Variants in PPP1R9A observed in about 807,000 individuals in gnomAD.
PPP1R9A encodes the protein neurabin-1.
In PPP1R9A, 59 loss-of-function variants were observed where a neutral mutation model predicts 141.9. That is an observed-to-expected ratio of 0.42 (90% CI 0.34 to 0.52). PPP1R9A has a LOEUF of 0.52. PPP1R9A is among the 20% of genes least tolerant of loss of function. PPP1R9A has a pLI of 0.10. For missense variants in PPP1R9A, 1,444 were observed against 1,611.9 expected (o/e 0.90, Z 1.78); for synonymous variants, 500 against 569.7 (o/e 0.88, Z 1.74).
chr7:94,982,740 A>C (rs1201806301), intron 2 of PPP1R9A, among the ~76,000 whole-genome samples: 1 of 152,034 alleles, frequency 6.6e-6, no homozygotes, highest in African/African-American at 2.4e-5. Context: ...TTGTCAGATG[A>C]GTAGATTGCA....
At chr7:95,277,737 T>C (rs965308062) in intron 16 of PPP1R9A, among the ~76,000 whole-genome samples, 5 of 152,214 alleles carry the variant, frequency 3.3e-5, no homozygotes, top group African/African-American at 1.2e-4. Flanking sequence ...AACATTCTGA[T>C]TTTAAACAGG....
rs1311098050 is a variant in PPP1R9A, at chr7:95,226,110, C to A, written c.2106C>A (p.Phe702Leu). 6.2e-7 allele frequency: 1 copy of A among 1,612,174 alleles called. No homozygotes were observed. Among genetic ancestry groups the A allele is most frequent in the Admixed American group, 1.7e-5 (1 of 59,930 alleles). The stretch of plus-strand genomic sequence containing the variant: ...ACACAAGCAAGCTCAGTCACAAGTT[C>A]AAAGAGGTATGCCACTAAGCTGCAA... ...ELDTSKLSHKFKELQIKHAVT... is the reference protein window; with the variant it reads ...ELDTSKLSHKLKELQIKHAVT... Residue 702 changes from phenylalanine to leucine, a missense_variant, in exon 8 of 20, where the codon TTC (phenylalanine) becomes TTA (leucine). Transcript: ENST00000433360.
At position 95,247,454 on chromosome 7, in the gene PPP1R9A, C is replaced by A. The variant is rs1337530963; in HGVS notation, c.2113-19C>A. 2 of 1,588,992 alleles carry A rather than the reference C, an allele frequency of 1.3e-6. No individual in the cohort carries two copies. The highest frequency in any genetic ancestry group is 1.1e-5 in the South Asian group (1 of 89,160). ...TACACTTTCTTAGTTCAGATTTTTT[C>A]TTTCTTTTCAATTTTCAGTTGCAAA... is the stretch of plus-strand genomic sequence containing the variant. On this transcript the variant is annotated intron_variant, in intron 8 of 19. Coordinates refer to ENST00000433360, the MANE Select transcript of PPP1R9A (RefSeq NM_001166160.2).
At chr7:95,195,195 A>G (rs934558239) in intron 5 of PPP1R9A, among the ~76,000 whole-genome samples, 2 of 152,160 alleles carry the variant, frequency 1.3e-5, no homozygotes, top group African/African-American at 4.8e-5. Context: ...AGCAAAACAT[A>G]AACACTTTAA....
intron 12 of PPP1R9A, among the ~76,000 whole-genome samples, chr7:95,258,849 A>G (rs1420566638): frequency 6.6e-6 from 1 of 152,170 alleles, no homozygotes; most frequent in Non-Finnish European, 1.5e-5. Context: ...AAATTCATAA[A>G]ACTGTTTCAT....
At chr7:94,954,831 A>ATGCG (rs1351979761) in intron 2 of PPP1R9A, among the ~76,000 whole-genome samples, 1 of 91,440 alleles carries the variant, frequency 1.1e-5, no homozygotes, top group Non-Finnish European at 2.2e-5. Flanking sequence ...GTTTGTAAAT[A>ATGCG]TGCGTGTGTG....
chr7:95,203,475 T>C (rs1790020991), intron 6 of PPP1R9A, among the ~76,000 whole-genome samples, 190 bp from the exon 7 acceptor site: 1 of 152,188 alleles, frequency 6.6e-6, no homozygotes, highest in Non-Finnish European at 1.5e-5. Context: ...AAATAGACTT[T>C]ATACTGTATC....
intron 4 of PPP1R9A, among the ~76,000 whole-genome samples, chr7:95,128,528 C>T (rs1177107992): frequency 1.3e-5 from 2 of 151,952 alleles, no homozygotes; most frequent in Admixed American, 6.6e-5. Flanking sequence ...TTAGGTCCCA[C>T]TCATCAATTT....
At chr7:94,971,718 A>T (rs552213281) in intron 2 of PPP1R9A, among the ~76,000 whole-genome samples, 136 of 152,326 alleles carry the variant, frequency 8.9e-4, no homozygotes, top group African/African-American at 3.2e-3. Context: ...ATAACCAAAA[A>T]AGGTGTGCTG....
chr7:95,097,806 T>G (rs11764139), intron 2 of PPP1R9A, among the ~76,000 whole-genome samples: 1 of 152,216 alleles, frequency 6.6e-6, no homozygotes, highest in African/African-American at 2.4e-5. Flanking sequence ...GAGGAAGAGT[T>G]GAACTGTTGG....
chr7:94,910,517 C>T lies in PPP1R9A; in HGVS notation c.404C>T (p.Ser135Leu). Residue 135 changes from serine (S) to leucine (L), a missense_variant, in exon 2 of 20, where the codon TCA becomes TTA. Coordinates refer to ENST00000433360, the MANE Select transcript of PPP1R9A (RefSeq NM_001166160.2). The surrounding 1 kb of genome is among the most constrained non-coding windows in gnomAD (Gnocchi z 4.5). Reference protein sequence around the residue: ...SRFDTMYDGPSYSKFTETRKM... With the variant: ...SRFDTMYDGPLYSKFTETRKM... ...TTTGACACTATGTACGATGGCCCTT[C>T]ATATTCCAAGTTCACTGAGACTCGA... The T allele has an allele frequency of 6.2e-7, 1 of 1,614,174 alleles. No homozygotes were observed.
intron 2 of PPP1R9A, among the ~76,000 whole-genome samples, chr7:95,004,879 C>T (rs1042512947): frequency 3.9e-5 from 6 of 152,178 alleles, no homozygotes; most frequent in Non-Finnish European, 7.3e-5. Context: ...ATGATTCCTT[C>T]CCACAGACTA....
rs897838647 is a variant in PPP1R9A at position 95,103,362 on chromosome 7, C to CTTTTTTTTTTTTT, written c.1396-7891_1396-7879dup. Among the ~76,000 whole-genome samples the CTTTTTTTTTTTTT allele has an allele frequency of 8.9e-3, 790 of 88,706 alleles. 127 individuals carry two copies. Among genetic ancestry groups the CTTTTTTTTTTTTT allele is most frequent in the African/African-American group, 0.027 (578 of 21,268 alleles). 58.2% of individuals were successfully genotyped at this position (88,706 alleles called of 152,430 possible). A position where few individuals can be genotyped will look rare whatever the true frequency, so the allele number is the denominator to read the frequency against. ...GAGTATGTTTGGTTTTTTTTCACTTCTTTTTTTTTTTTTTTTTTGAGACAG... is the reference window on the plus strand; with the variant it reads ...GAGTATGTTTGGTTTTTTTTCACTTCTTTTTTTTTTTTTTTTTTTTTTTTTTTTTTTGAGACAG... On this transcript the variant is annotated intron_variant, in intron 2 of 19. Transcript: ENST00000433360.
intron 2 of PPP1R9A, among the ~76,000 whole-genome samples, chr7:95,074,223 G>C (rs1365404240): frequency 6.6e-6 from 1 of 152,012 alleles, no homozygotes; most frequent in East Asian, 1.9e-4. Flanking sequence ...GTATTTAGCC[G>C]TTACCTTTTT....
intron 2 of PPP1R9A, among the ~76,000 whole-genome samples, chr7:95,060,904 G>A (rs750457179): frequency 1.7e-4 from 26 of 152,144 alleles, no homozygotes; most frequent in Non-Finnish European, 2.1e-4. Flanking sequence ...TAAGTATTCC[G>A]TTAATCCCAG....
At chr7:95,057,271 A>G (rs1405840936) in intron 2 of PPP1R9A, among the ~76,000 whole-genome samples, 5 of 152,096 alleles carry the variant, frequency 3.3e-5, no homozygotes, top group Non-Finnish European at 5.9e-5. Flanking sequence ...TTGTAGTTCT[A>G]TGAACTTGAT....
intron 5 of PPP1R9A, among the ~76,000 whole-genome samples, chr7:95,182,780 A>G (rs1482706390): frequency 1.3e-5 from 2 of 152,208 alleles, no homozygotes; most frequent in South Asian, 2.1e-4. Flanking sequence ...AATGTTGAAT[A>G]TATCAGAATG....
At chr7:95,151,126 T>G (rs1008155015) in intron 4 of PPP1R9A, among the ~76,000 whole-genome samples, 3 of 152,152 alleles carry the variant, frequency 2.0e-5, no homozygotes, top group South Asian at 2.1e-4. Context: ...ATAAACACAC[T>G]CTCATGATCT....
intron 12 of PPP1R9A, among the ~76,000 whole-genome samples, chr7:95,264,453 CTG>C (rs749626902): frequency 2.6e-5 from 4 of 152,172 alleles, no homozygotes; most frequent in Non-Finnish European, 5.9e-5. Context: ...GTGAAAAAAA[CTG>C]TATGACTCAC....
Sources: allele counts gnomAD v4.1 joint callset (sites outside exome capture counted in the v4.1 genomes callset), GRCh38; gene constraint gnomAD v4.1.1; non-coding constraint Gnocchi (gnomAD v3.1); transcripts MANE v1.5; gene names NCBI Gene and HGNC (gene_info 2026-07-23, HGNC 2026-07-21).